Variants in GNL3 observed in about 807,000 individuals in gnomAD.
GNL3 encodes the protein guanine nucleotide-binding protein-like 3.
A neutral mutation model predicts 70.6 loss-of-function variants in GNL3; 77 were observed. That is an observed-to-expected ratio of 1.09 (90% CI 0.91 to 1.32). The LOEUF is 1.32. Among genes scored for constraint, GNL3 ranks in the 40% most tolerant of loss-of-function variants. The probability of loss-of-function intolerance (pLI) is 0.00; values close to 1 mark genes in which losing one functional copy is unlikely to be tolerated. For synonymous variants in GNL3, 252 were observed against 216.1 expected (o/e 1.17, Z -1.46); for missense variants, 634 against 644.0 (o/e 0.98, Z 0.17).
Position 52,686,111 on chromosome 3 carries a change from T to A in GNL3, c.13+6T>A. The A allele has an allele frequency of 6.4e-7, 1 of 1,558,988 alleles. No individual in the cohort carries two copies. Among genetic ancestry groups the A allele is most frequent in the Non-Finnish European group, 8.9e-7 (1 of 1,129,658 alleles). ...AGCCAATATGAAAAGGCCTAGTAAGTGGGGTCGGGAGGCGGGCGTGGAGGG... is the reference window on the plus strand; with the variant it reads ...AGCCAATATGAAAAGGCCTAGTAAGAGGGGTCGGGAGGCGGGCGTGGAGGG... On this transcript the variant is annotated splice_donor_region_variant and intron_variant, in intron 1 of 14. Transcript: ENST00000418458.
intron 10 of GNL3, 55 bp downstream of exon 10, chr3:52,693,101 A>G (rs2097328962): frequency 4.4e-6 from 7 of 1,600,770 alleles, no homozygotes; most frequent in Non-Finnish European, 6.0e-6. Flanking sequence ...CATCATAAGC[A>G]TTTTGAGTAG....
Position 52,693,462 on chromosome 3 carries a change from T to A in GNL3, c.1242T>A (p.Tyr414Ter). ...CTACATCTTGGACTCCTCCTCCATA[T>A]TTTAATGAGAGTATTGTGGTAGACA... The part of the protein sequence containing the change: ...HPPTSWTPPP[Y>*]FNESIVVDMK... Residue 414 changes from tyrosine (Y) to a stop codon, truncating the protein, a stop_gained, in exon 12 of 15, where the codon TAT becomes TAA. Coordinates refer to ENST00000418458, the MANE Select transcript of GNL3 (RefSeq NM_014366.5). LOFTEE classifies it high-confidence loss of function. The A allele has an allele frequency of 6.2e-7, 1 of 1,614,100 alleles. No individual in the cohort carries two copies. Among genetic ancestry groups the A allele is most frequent in the Non-Finnish European group, 8.5e-7 (1 of 1,179,924 alleles).
At chr3:52,690,571 C>T in intron 6 of GNL3, 21 bp from the exon 7 acceptor site, 2 of 1,421,210 alleles carry the variant, frequency 1.4e-6, no homozygotes, top group Non-Finnish European at 2.0e-6. Context: ...CCGCAAATGT[C>T]TTATTTCTAA....
chr3:52,692,532 G>GAGT (rs2097328266), intron 9 of GNL3, among the ~76,000 whole-genome samples: 1 of 151,834 alleles, frequency 6.6e-6, no homozygotes, highest in Non-Finnish European at 1.5e-5. Flanking sequence ...GGCCAGGCTG[G>GAGT]TCTCAAACTC....
At chr3:52,689,900 C>T (rs150760107) in intron 6 of GNL3, among the ~76,000 whole-genome samples, 158 of 152,228 alleles carry the variant, frequency 1.0e-3, no homozygotes, top group Non-Finnish European at 1.9e-3. Flanking sequence ...TGCAGTGAGC[C>T]GATACTGTGC....
In GNL3 at chr3:52,694,341, A is replaced by G. The variant is rs898957965; in HGVS notation, c.*66A>G. On this transcript the variant is annotated 3_prime_UTR_variant, in exon 15 of 15. Coordinates refer to ENST00000418458, the MANE Select transcript of GNL3 (RefSeq NM_014366.5). ...AGCAGACTGCTAAACTGTTCTCTGTATAAGTTATGGTATGCATGAGCTGTG... is the reference window on the plus strand; with the variant it reads ...AGCAGACTGCTAAACTGTTCTCTGTGTAAGTTATGGTATGCATGAGCTGTG... The G allele has an allele frequency of 5.5e-5, 49 of 891,848 alleles. No individual in the cohort carries two copies. The highest frequency in any genetic ancestry group is 6.8e-5 in the Non-Finnish European group (38 of 557,998). 55.2% of individuals were successfully genotyped at this position (891,848 alleles called of 1,614,324 possible).
chr3:52,687,416 G>A, intron 3 of GNL3, 33 bp downstream of exon 3: 1 of 1,609,762 alleles, frequency 6.2e-7, no homozygotes. Context: ...TTCATTGAGT[G>A]GTGTAGTGTG....
At position 52,693,220 on chromosome 3, in the gene GNL3, A is replaced by C. The variant is rs756130416; in HGVS notation, c.1078A>C (p.Asn360His). ...GAAATATACTGTCCCAGGCTACAGGAATTCTCTGGAATTTTTTACTGTGCT... is the reference window on the plus strand; with the variant it reads ...GAAATATACTGTCCCAGGCTACAGGCATTCTCTGGAATTTTTTACTGTGCT... ...VLKYTVPGYRNSLEFFTVLAQ... is the reference protein window; with the variant it reads ...VLKYTVPGYRHSLEFFTVLAQ... Residue 360 changes from asparagine to histidine, a missense_variant, in exon 11 of 15, where the codon AAT becomes CAT. Transcript: ENST00000418458. 1 of 1,613,610 alleles carries C rather than the reference A, an allele frequency of 6.2e-7. No individual in the cohort carries two copies. Among genetic ancestry groups the C allele is most frequent in the Non-Finnish European group, 8.5e-7 (1 of 1,179,834 alleles).
intron 6 of GNL3, among the ~76,000 whole-genome samples, chr3:52,690,053 A>T (rs2097325821): frequency 6.6e-6 from 1 of 152,236 alleles, no homozygotes; most frequent in South Asian, 2.1e-4. Flanking sequence ...GAAGTTTTCA[A>T]GTGAGCAATA....
intron 3 of GNL3, 47 bp downstream of exon 3, chr3:52,687,430 T>C: frequency 6.2e-7 from 1 of 1,604,800 alleles, no homozygotes; most frequent in South Asian, 1.1e-5. Context: ...TAGTGTGTTA[T>C]GTGTGATATT....
chr3:52,688,841 C>G (rs2097324617), intron 5 of GNL3: 5 of 533,438 alleles, frequency 9.4e-6, no homozygotes, highest in South Asian at 8.6e-5. Context: ...TTTTGAAATC[C>G]ATCTTGATCA....
At position 52,691,546 on chromosome 3, in the gene GNL3, C is replaced by T. The variant is rs763879891; in HGVS notation, c.786C>T (p.Phe262=). The change falls in exon 9 of 15, where the codon TTC becomes TTT. Residue 262 remains phenylalanine, a synonymous_variant. Transcript: ENST00000418458. ...GGATTTCCCATTTATTTGTAGGTTT[C>T]CCAAATGTGGGGAAAAGCAGCATTA... ...SKAIRVGVIG[F]PNVGKSSIIN... is the part of the protein sequence containing the mutation. 3.2e-6 allele frequency: 5 copies of T among 1,570,112 alleles called. No homozygotes were observed. Among genetic ancestry groups the T allele is most frequent in the East Asian group, 4.5e-5 (2 of 44,660 alleles).
In GNL3 at chr3:52,692,986, T is replaced by C. The variant is rs2097328836; in HGVS notation, c.984T>C (p.Ile328=). Residue 328 remains isoleucine (I), a synonymous_variant, in exon 10 of 15, where the codon ATT becomes ATC. Transcript: ENST00000418458. ...TTGCTCTGCGAAGTCCAGCAAGTAT[T>C]GAAGTAGTAAAACCGATGGAGGCTG... is the stretch of plus-strand genomic sequence containing the variant. ...SALALRSPAS[I]EVVKPMEAAS... 3.1e-6 allele frequency: 5 copies of C among 1,614,058 alleles called. No homozygotes were observed. Among genetic ancestry groups the C allele is most frequent in the Non-Finnish European group, 4.2e-6 (5 of 1,180,020 alleles).
rs1251859335 is a variant in GNL3 at position 52,687,389 on chromosome 3, T to C, written c.210+6T>C. The C allele has an allele frequency of 3.1e-6, 5 of 1,613,098 alleles. No homozygotes were observed. Among genetic ancestry groups the C allele is most frequent in the Non-Finnish European group, 4.2e-6 (5 of 1,179,594 alleles). On this transcript the variant is annotated splice_donor_region_variant and intron_variant, in intron 3 of 14. Coordinates refer to ENST00000418458, the MANE Select transcript of GNL3 (RefSeq NM_014366.5). The stretch of plus-strand genomic sequence containing the variant: ...CTGAGCTAAGGAAACAGAGGGTAAG[T>C]TATGTTAGCCAGAATTTTCATTGAG...
intron 8 of GNL3, among the ~76,000 whole-genome samples, 156 bp downstream of exon 8, chr3:52,691,227 C>CATA (rs2097326915): frequency 6.6e-6 from 1 of 152,240 alleles, no homozygotes; most frequent in Non-Finnish European, 1.5e-5. Context: ...ACTGAAAGCA[C>CATA]ATAACCACAC....
At chr3:52,688,083 G>C (rs775102539) in intron 4 of GNL3, 26 bp from the exon 5 acceptor site, 2 of 1,352,076 alleles carry the variant, frequency 1.5e-6, no homozygotes, top group South Asian at 1.2e-5. Context: ...TTCTAATTTT[G>C]TGTTATTTCC....
rs1436223859 is a variant in GNL3 at position 52,693,144 on chromosome 3, TG to T, written c.1045-42del. 1.9e-6 allele frequency: 3 copies of T among 1,596,416 alleles called. No individual in the cohort carries two copies. The South Asian group carries it at 3.4e-5, about 18-fold the overall frequency. Reference sequence around the variant, plus strand: ...TTGGAAGTGTTTTAAAGTACTGGCATGTCAGATGAAGGACAGCTCCTTTGTT... The same window carrying T: ...TTGGAAGTGTTTTAAAGTACTGGCATTCAGATGAAGGACAGCTCCTTTGTT... On this transcript the variant is annotated intron_variant, in intron 10 of 14. Transcript: ENST00000418458.
Position 52,691,617 on chromosome 3 carries a change from TG to T in GNL3, c.861del (p.Thr289GlnfsTer16). 6.4e-7 allele frequency: 1 copy of T among 1,564,058 alleles called. No individual in the cohort carries two copies. The highest frequency in any genetic ancestry group is 8.8e-7 in the Non-Finnish European group (1 of 1,134,634). On this transcript the variant is annotated frameshift_variant, in exon 9 of 15. Transcript: ENST00000418458. LOFTEE classifies it high-confidence loss of function. ...CAGATGTGTAATGTTGGTGTATCCA[TG>T]GGGCTTACAAGGTAAATGGAGGTGT... The part of the protein sequence containing the change: ...QEQMCNVGVS[M>X]GLTRSMQVVP...
chr3:52,689,105 T>G lies in GNL3; in HGVS notation c.440T>G (p.Val147Gly). 1 of 1,612,908 alleles carries G rather than the reference T, an allele frequency of 6.2e-7. No homozygotes were observed. The highest frequency in any genetic ancestry group is 8.5e-7 in the Non-Finnish European group (1 of 1,178,868). Residue 147 changes from valine (V) to glycine (G), a missense_variant, in exon 6 of 15, where the codon GTG becomes GGG. Transcript: ENST00000418458. ...VIEASDVVLEVLDARDPLGCR... is the reference protein window; with the variant it reads ...VIEASDVVLEGLDARDPLGCR... ...GAAGCCTCCGATGTTGTCCTAGAGG[T>G]GTTGGATGCCAGAGATCCTCTTGGT...
Sources: gnomAD v4.1 joint callset for allele counts (sites outside exome capture counted in the v4.1 genomes callset) on GRCh38, gnomAD v4.1.1 for gene constraint, MANE v1.5 for transcripts, NCBI Gene and HGNC (gene_info 2026-07-23, HGNC 2026-07-21) for gene names.